SLC24A3: variants seen among roughly 807,000 people sequenced by gnomAD.
The protein encoded by SLC24A3 is solute carrier family 24 member 3, also known as sodium/potassium/calcium exchanger 3.
Under a neutral mutation model 75.8 loss-of-function variants are expected in SLC24A3, and 28 were observed. The observed-to-expected ratio is 0.37, with a 90% confidence interval of 0.27 to 0.51. The LOEUF (loss-of-function observed/expected upper bound fraction) is 0.51, where lower values mean the gene tolerates loss of function less well. SLC24A3 is among the 20% of genes least tolerant of loss of function. The pLI is 0.94. For synonymous variants in SLC24A3, 372 were observed against 334.1 expected (o/e 1.11, Z -1.24); for missense variants, 663 against 847.8 (o/e 0.78, Z 2.71).
intron 13 of SLC24A3, chr20:19,694,932 T>A (rs1215894039): frequency 6.6e-6 from 1 of 151,910 alleles, no homozygotes; most frequent in Non-Finnish European, 1.5e-5. Flanking sequence ...GAGCTGAGGG[T>A]TAAAAAGGAA....
In SLC24A3 at chr20:19,291,516, G is replaced by GT. The variant is rs542228154; in HGVS notation, c.271+10430dup. 1.9e-3 allele frequency among the ~76,000 whole-genome samples: 294 copies of GT among 152,366 alleles called. 4 individuals are homozygous for GT. The highest frequency in any genetic ancestry group is 4.0e-3 in the Non-Finnish European group (269 of 68,034). On this transcript the variant is annotated intron_variant, in intron 2 of 16. Transcript: ENST00000328041. ...CTATGTTCACATTCCACCTTGGAGA[G>GT]TAAGTTTAAATAGGTACATGTCTAG... is the stretch of plus-strand genomic sequence containing the variant.
intron 3 of SLC24A3, among the ~76,000 whole-genome samples, chr20:19,570,975 G>A (rs2122621746): frequency 6.6e-6 from 1 of 152,204 alleles, no homozygotes; most frequent in South Asian, 2.1e-4. Flanking sequence ...GGGATTTGAG[G>A]CCTGGTAGAG....
At chr20:19,545,543 G>A (rs1405845961) in intron 3 of SLC24A3, among the ~76,000 whole-genome samples, 1 of 152,194 alleles carries the variant, frequency 6.6e-6, no homozygotes, top group Non-Finnish European at 1.5e-5. Flanking sequence ...CTGGCCCTGG[G>A]AAGAGAGTGA....
chr20:19,245,754 G>C (rs1295027532), intron 1 of SLC24A3, among the ~76,000 whole-genome samples: 2 of 152,010 alleles, frequency 1.3e-5, no homozygotes, highest in African/African-American at 4.8e-5. Context: ...ATGGTAAATG[G>C]TACAGTTTAC....
intron 2 of SLC24A3, among the ~76,000 whole-genome samples, chr20:19,299,516 T>C (rs1311393930): frequency 6.6e-6 from 1 of 152,116 alleles, no homozygotes; most frequent in Admixed American, 6.5e-5. Flanking sequence ...ATAAGAAAAT[T>C]TTGCCAAAAC....
chr20:19,470,818 G>C (rs369555037), intron 2 of SLC24A3, among the ~76,000 whole-genome samples: 223 of 152,334 alleles, frequency 1.5e-3, no homozygotes, highest in African/African-American at 5.1e-3. Context: ...AACTCACGTA[G>C]ACCCAGACAT....
intron 2 of SLC24A3, among the ~76,000 whole-genome samples, chr20:19,481,014 A>G (rs1988043174): frequency 6.6e-6 from 1 of 152,232 alleles, no homozygotes; most frequent in Non-Finnish European, 1.5e-5. Context: ...TGCCCACTGC[A>G]TGCCTGGACT....
chr20:19,511,839 G>A (rs183994757), intron 2 of SLC24A3, among the ~76,000 whole-genome samples: 37 of 150,462 alleles, frequency 2.5e-4, no homozygotes, highest in Non-Finnish European at 5.2e-4. Context: ...GTGGATATCA[G>A]GTGAAGTTTG....
At chr20:19,711,537 T>C (rs548500565) in intron 15 of SLC24A3, among the ~76,000 whole-genome samples, 1,760 of 133,528 alleles carry the variant, frequency 0.013, 33 homozygotes, top group African/African-American at 0.044. Flanking sequence ...CACACATGCA[T>C]GCAAACATGC....
intron 6 of SLC24A3, among the ~76,000 whole-genome samples, chr20:19,615,948 A>C (rs543202040): frequency 2.6e-4 from 39 of 152,158 alleles, no homozygotes; most frequent in Non-Finnish European, 2.8e-4. Context: ...GCTTGCAGAC[A>C]GCCTATGGTG....
intron 6 of SLC24A3, among the ~76,000 whole-genome samples, chr20:19,604,239 G>A (rs1206619686): frequency 6.6e-6 from 1 of 151,712 alleles, no homozygotes; most frequent in Non-Finnish European, 1.5e-5. Context: ...GGGCCTAGTG[G>A]GAGTGAGGGG....
intron 6 of SLC24A3, among the ~76,000 whole-genome samples, chr20:19,617,113 G>A (rs1310861705): frequency 6.6e-6 from 1 of 152,180 alleles, no homozygotes; most frequent in Admixed American, 6.5e-5. Flanking sequence ...CCCCAGCCTA[G>A]AAAGCAAACA....
intron 2 of SLC24A3, among the ~76,000 whole-genome samples, chr20:19,385,331 G>A (rs1179804976): frequency 6.6e-6 from 1 of 152,164 alleles, no homozygotes; most frequent in Non-Finnish European, 1.5e-5. Context: ...TTTGTATATG[G>A]TGTGAGATAA....
At chr20:19,552,883 G>A (rs1401242483) in intron 3 of SLC24A3, among the ~76,000 whole-genome samples, 1 of 152,052 alleles carries the variant, frequency 6.6e-6, no homozygotes, top group East Asian at 1.9e-4. Context: ...CTTCATCAGA[G>A]GAAAGGGGAG....
intron 3 of SLC24A3, among the ~76,000 whole-genome samples, chr20:19,541,632 C>G (rs1355603973): frequency 6.6e-6 from 1 of 152,224 alleles, no homozygotes; most frequent in African/African-American, 2.4e-5. Flanking sequence ...TAGTCTCACT[C>G]CTATCAAAGC....
At chr20:19,607,508 A>G (rs922651193) in intron 6 of SLC24A3, among the ~76,000 whole-genome samples, 1 of 152,170 alleles carries the variant, frequency 6.6e-6, no homozygotes, top group Non-Finnish European at 1.5e-5. Context: ...GCTATGAACT[A>G]AATTACTTGC....
chr20:19,400,005 A>AT (rs1271520192), intron 2 of SLC24A3, among the ~76,000 whole-genome samples: 1 of 152,168 alleles, frequency 6.6e-6, no homozygotes, highest in Admixed American at 6.5e-5. Flanking sequence ...GCTCAATTAA[A>AT]TTTTTTTATA....
intron 6 of SLC24A3, among the ~76,000 whole-genome samples, chr20:19,638,230 G>T (rs766482077): frequency 2.6e-5 from 4 of 151,892 alleles, no homozygotes; most frequent in African/African-American, 4.8e-5. Context: ...TTCATAGTGG[G>T]ATTCAATAGA....
chr20:19,530,351 G>A (rs1010433740), intron 3 of SLC24A3, among the ~76,000 whole-genome samples: 1 of 152,172 alleles, frequency 6.6e-6, no homozygotes, highest in Non-Finnish European at 1.5e-5. Context: ...TGAGTGCCGA[G>A]GGCCTCTCTC....
Sources: gnomAD v4.1 joint callset for allele counts (sites outside exome capture counted in the v4.1 genomes callset) on GRCh38, gnomAD v4.1.1 for gene constraint, MANE v1.5 for transcripts, NCBI Gene and HGNC (gene_info 2026-07-23, HGNC 2026-07-21) for gene names.